GALNT13: variants seen among roughly 807,000 people sequenced by gnomAD.
GALNT13 encodes polypeptide N-acetylgalactosaminyltransferase 13, also known as UDP-GalNAc:polypeptide N-acetylgalactosaminyltransferase 13.
GALNT13 carries 28 observed loss-of-function variants against 64.2 expected under a neutral mutation model. The ratio of observed to expected loss-of-function variants is 0.44; its 90% CI spans 0.32 to 0.60. The LOEUF is 0.60. Among genes scored for constraint, GALNT13 ranks in the 20% least tolerant of loss-of-function variants. The pLI is 0.05. For synonymous variants in GALNT13, 214 were observed against 224.6 expected (o/e 0.95, Z 0.42); for missense variants, 577 against 669.8 (o/e 0.86, Z 1.53).
chr2:154,143,548 A>AT (rs59907351), intron 4 of GALNT13, among the ~76,000 whole-genome samples: 6 of 148,540 alleles, frequency 4.0e-5, no homozygotes, highest in Middle Eastern at 3.2e-3. Context: ...ATAGCCAGTG[A>AT]TTTTTTTTTT....
chr2:153,838,603 C>G, the GALNT13 span, among the ~76,000 whole-genome samples: 51 of 151,926 alleles, frequency 3.4e-4, no homozygotes, highest in African/African-American at 1.2e-3. Context: ...TTTGAGCTCT[C>G]AATTCTACTC....
the GALNT13 span, among the ~76,000 whole-genome samples, chr2:153,242,267 C>A: frequency 6.6e-6 from 1 of 152,064 alleles, no homozygotes; most frequent in African/African-American, 2.4e-5. Flanking sequence ...TGTGTAACTG[C>A]CATTTATTGA....
chr2:154,300,162 G>C (rs1439574647), intron 8 of GALNT13, among the ~76,000 whole-genome samples: 1 of 147,808 alleles, frequency 6.8e-6, no homozygotes, highest in African/African-American at 2.5e-5. Context: ...GTGCAATGGC[G>C]CGTGATCTCG....
chr2:153,671,288 G>T, the GALNT13 span, among the ~76,000 whole-genome samples: 2 of 152,140 alleles, frequency 1.3e-5, no homozygotes, highest in African/African-American at 4.8e-5. Flanking sequence ...AAAATGTTAA[G>T]TGCAGCCAGA....
the GALNT13 span, among the ~76,000 whole-genome samples, chr2:153,589,067 G>A: frequency 3.3e-5 from 5 of 152,050 alleles, no homozygotes; most frequent in African/African-American, 7.2e-5. Context: ...CAGGAGAATC[G>A]ATTGAACTCG....
chr2:153,975,706 C>A (rs1413885157), intron 3 of GALNT13, among the ~76,000 whole-genome samples: 1 of 151,934 alleles, frequency 6.6e-6, no homozygotes, highest in Non-Finnish European at 1.5e-5. Flanking sequence ...CCAAAAGAAC[C>A]AAAGTTTCAG....
chr2:153,516,795 A>G, the GALNT13 span, among the ~76,000 whole-genome samples: 2 of 152,144 alleles, frequency 1.3e-5, no homozygotes, highest in African/African-American at 4.8e-5. Context: ...ACTCAGATCT[A>G]TAGGATATCA....
chr2:154,288,164 G>C (rs1294555872), intron 8 of GALNT13, among the ~76,000 whole-genome samples: 2 of 152,174 alleles, frequency 1.3e-5, no homozygotes, highest in Admixed American at 6.5e-5. Context: ...AGGCAGGAAA[G>C]AGCGCTTGTG....
chr2:153,262,391 C>A, the GALNT13 span, among the ~76,000 whole-genome samples: 1 of 152,330 alleles, frequency 6.6e-6, no homozygotes, highest in Admixed American at 6.5e-5. Context: ...GGTACCATTT[C>A]TTCTGAAGCT....
intron 3 of GALNT13, among the ~76,000 whole-genome samples, chr2:154,135,252 A>G (rs1338889064): frequency 6.6e-6 from 1 of 152,112 alleles, no homozygotes; most frequent in Non-Finnish European, 1.5e-5. Flanking sequence ...CATAAAAATA[A>G]TATATTTTGA....
chr2:153,139,115 C>G, the GALNT13 span, among the ~76,000 whole-genome samples: 1 of 151,996 alleles, frequency 6.6e-6, no homozygotes, highest in Non-Finnish European at 1.5e-5. Context: ...GTTTTGATAG[C>G]AGTCAACATG....
chr2:153,875,946 A>G (rs1268079589), intron 1 of GALNT13, among the ~76,000 whole-genome samples: 2 of 152,144 alleles, frequency 1.3e-5, no homozygotes, highest in African/African-American at 4.8e-5. Context: ...ACCTTCTTGT[A>G]TTTGTGTCCC....
At chr2:153,381,876 G>T in the GALNT13 span, among the ~76,000 whole-genome samples, 2 of 152,110 alleles carry the variant, frequency 1.3e-5, no homozygotes, top group African/African-American at 4.8e-5. Context: ...CAGTGAGGCT[G>T]TCTTCCTGGC....
chr2:154,218,005 T>C (rs887852377), intron 4 of GALNT13, among the ~76,000 whole-genome samples: 2 of 152,146 alleles, frequency 1.3e-5, no homozygotes, highest in African/African-American at 2.4e-5. Context: ...CCAACAAGCC[T>C]ATACTTGTGA....
the GALNT13 span, among the ~76,000 whole-genome samples, chr2:153,506,912 T>G: frequency 5.3e-5 from 8 of 152,240 alleles, no homozygotes; most frequent in Admixed American, 2.0e-4. Context: ...GAAGTTTTCC[T>G]CTATTATTCC....
chr2:154,392,052 T>A (rs1698819539), intron 9 of GALNT13, among the ~76,000 whole-genome samples: 2 of 152,108 alleles, frequency 1.3e-5, no homozygotes, highest in Admixed American at 1.3e-4. Context: ...TATAAAGCCT[T>A]GAATTGTTGA....
chr2:153,540,902 A>T, the GALNT13 span, among the ~76,000 whole-genome samples: 5 of 152,186 alleles, frequency 3.3e-5, no homozygotes, highest in African/African-American at 1.2e-4. Flanking sequence ...GGCAGAAGGG[A>T]CTTGCCTTGT....
the GALNT13 span, among the ~76,000 whole-genome samples, chr2:153,466,416 T>C: frequency 6.6e-6 from 1 of 151,478 alleles, no homozygotes; most frequent in Non-Finnish European, 1.5e-5. Flanking sequence ...TCATTTTTAA[T>C]CTAACATAGT....
At chr2:153,699,163 A>G in the GALNT13 span, among the ~76,000 whole-genome samples, 1 of 152,226 alleles carries the variant, frequency 6.6e-6, no homozygotes, top group East Asian at 1.9e-4. Context: ...AGAGGTTGCA[A>G]AAAAGAAAAG....
Sources: allele counts gnomAD v4.1 joint callset (sites outside exome capture counted in the v4.1 genomes callset), GRCh38; gene constraint gnomAD v4.1.1; transcripts MANE v1.5; gene names NCBI Gene and HGNC (gene_info 2026-07-23, HGNC 2026-07-21).